STK32B: variants seen among roughly 807,000 people sequenced by gnomAD.
STK32B encodes serine/threonine-protein kinase 32B.
A neutral mutation model predicts 52.6 loss-of-function variants in STK32B; 43 were observed. The observed-to-expected ratio is 0.82, with a 90% confidence interval of 0.64 to 1.05. The LOEUF (loss-of-function observed/expected upper bound fraction) is 1.05. STK32B is among the 50% of genes least tolerant of loss of function. The probability of loss-of-function intolerance (pLI) is 0.00; values close to 1 mark genes in which losing one functional copy is unlikely to be tolerated. For synonymous variants in STK32B, 238 were observed against 204.3 expected, an observed-to-expected ratio of 1.17 and a Z score of -1.41; for missense variants, 621 against 534.6, an observed-to-expected ratio of 1.16 and a Z score of -1.59.
At chr4:5,138,481 G>A (rs949478652) in intron 1 of STK32B, among the ~76,000 whole-genome samples, 2 of 151,570 alleles carry the variant, frequency 1.3e-5, no homozygotes, top group Non-Finnish European at 2.9e-5. Flanking sequence ...CACTTATTAT[G>A]TACCAGGAGT....
chr4:5,155,806 A>G (rs1717781779), intron 2 of STK32B, among the ~76,000 whole-genome samples: 1 of 152,110 alleles, frequency 6.6e-6, no homozygotes, highest in Non-Finnish European at 1.5e-5. Context: ...GCCAAACGGA[A>G]CTGTGAGTCA....
chr4:5,162,821 G>A (rs776138803), intron 2 of STK32B, among the ~76,000 whole-genome samples: 1 of 152,190 alleles, frequency 6.6e-6, no homozygotes, highest in South Asian at 2.1e-4. Context: ...GAAGTTGAAG[G>A]TTCCCAGGAC....
intron 3 of STK32B, among the ~76,000 whole-genome samples, chr4:5,185,527 G>A (rs1230035341): frequency 6.6e-6 from 1 of 152,216 alleles, no homozygotes; most frequent in Non-Finnish European, 1.5e-5. Context: ...CTGAAGTAGT[G>A]GAGGGCAGGG....
Position 5,444,194 on chromosome 4 carries a change from C to A in STK32B, c.563-2479C>A, listed in dbSNP as rs560526980. Among the ~76,000 whole-genome samples the A allele has an allele frequency of 2.2e-3, 334 of 152,326 alleles. 7 individuals carry two copies. The South Asian group carries it at 0.038, about 17-fold the overall frequency. ...CCTGGGCAATGGCGGGCGCCCCTCC[C>A]CCAGCCTCGCTGCCGCCTTGCAGTT... On this transcript the variant is annotated intron_variant, in intron 6 of 11. Transcript: ENST00000282908.
At chr4:5,220,174 T>C (rs1723435905) in intron 3 of STK32B, among the ~76,000 whole-genome samples, 1 of 152,146 alleles carries the variant, frequency 6.6e-6, no homozygotes, top group African/African-American at 2.4e-5. Flanking sequence ...CTAGTAACCT[T>C]TAGAGCCATA....
At chr4:5,450,645 G>C (rs537178707) in intron 7 of STK32B, among the ~76,000 whole-genome samples, 1 of 152,300 alleles carries the variant, frequency 6.6e-6, no homozygotes, top group African/African-American at 2.4e-5. Context: ...CTTTTAAACA[G>C]ACTGAATATT....
intron 1 of STK32B, among the ~76,000 whole-genome samples, chr4:5,122,966 C>T (rs1715152586): frequency 6.6e-6 from 1 of 152,174 alleles, no homozygotes; most frequent in Admixed American, 6.5e-5. Flanking sequence ...TCCACCTGCA[C>T]CAGCTCATGC....
At chr4:5,024,799 C>T in the STK32B span, among the ~76,000 whole-genome samples, 5 of 152,184 alleles carry the variant, frequency 3.3e-5, no homozygotes, top group South Asian at 2.1e-4. Flanking sequence ...AGCCCTCAAC[C>T]GATGATTCAT....
intron 3 of STK32B, among the ~76,000 whole-genome samples, chr4:5,249,360 T>G (rs1725718355): frequency 6.6e-6 from 1 of 152,190 alleles, no homozygotes. Context: ...AAAAATCTTG[T>G]TGAATACATA....
At chr4:5,097,629 A>C (rs1212434106) in intron 1 of STK32B, among the ~76,000 whole-genome samples, 1 of 152,186 alleles carries the variant, frequency 6.6e-6, no homozygotes, top group Non-Finnish European at 1.5e-5. Context: ...TGCAAATCTT[A>C]GTCTCTAACT....
intron 4 of STK32B, among the ~76,000 whole-genome samples, chr4:5,383,460 C>T (rs933431285): frequency 9.2e-5 from 14 of 152,214 alleles, no homozygotes; most frequent in African/African-American, 3.4e-4. Flanking sequence ...GAATTCCAAA[C>T]AAAATCCTCC....
intron 4 of STK32B, among the ~76,000 whole-genome samples, chr4:5,349,833 A>T (rs1176122106): frequency 1.3e-5 from 2 of 152,208 alleles, no homozygotes; most frequent in Admixed American, 1.3e-4. Context: ...GAATTCATTT[A>T]ATAAAATACA....
intron 11 of STK32B, 72 bp from the exon 12 acceptor site, chr4:5,498,873 C>A: frequency 6.6e-7 from 1 of 1,506,686 alleles, no homozygotes; most frequent in South Asian, 1.3e-5. Context: ...CCCTGCCTGC[C>A]CAGTGTGTCT....
intron 7 of STK32B, among the ~76,000 whole-genome samples, chr4:5,450,456 C>A (rs528721601): frequency 6.6e-6 from 1 of 152,148 alleles, no homozygotes. Flanking sequence ...ATCCAGGGAG[C>A]GTTGTACCTC....
chr4:5,145,745 C>T (rs1716862031), intron 2 of STK32B, among the ~76,000 whole-genome samples: 1 of 152,046 alleles, frequency 6.6e-6, no homozygotes, highest in Non-Finnish European at 1.5e-5. Flanking sequence ...ATCTGGATAC[C>T]AGTCTTTTGT....
intron 3 of STK32B, among the ~76,000 whole-genome samples, chr4:5,318,753 C>G (rs552028466): frequency 6.6e-6 from 1 of 152,026 alleles, no homozygotes; most frequent in South Asian, 2.1e-4. Context: ...TAGAAGGATG[C>G]AGTGGGCTGG....
At chr4:5,361,989 T>C (rs1734576803) in intron 4 of STK32B, among the ~76,000 whole-genome samples, 1 of 152,226 alleles carries the variant, frequency 6.6e-6, no homozygotes, top group Non-Finnish European at 1.5e-5. Flanking sequence ...GGTTGCTTCC[T>C]TTTTTCACCA....
At chr4:5,136,008 A>G (rs1716053570) in intron 1 of STK32B, among the ~76,000 whole-genome samples, 1 of 152,188 alleles carries the variant, frequency 6.6e-6, no homozygotes. Flanking sequence ...CAAATTCTCT[A>G]ATGCCTCCTT....
chr4:5,473,951 G>A (rs1275553860), intron 11 of STK32B, among the ~76,000 whole-genome samples: 1 of 151,964 alleles, frequency 6.6e-6, no homozygotes, highest in Non-Finnish European at 1.5e-5. Flanking sequence ...CCCATCTCTA[G>A]TAAAATACAA....
Sources: gnomAD v4.1 joint callset for allele counts (sites outside exome capture counted in the v4.1 genomes callset) on GRCh38, gnomAD v4.1.1 for gene constraint, MANE v1.5 for transcripts, NCBI Gene and HGNC (gene_info 2026-07-23, HGNC 2026-07-21) for gene names.